Variants in STMND1 observed in about 807,000 individuals in gnomAD.
The protein encoded by STMND1 is stathmin domain containing 1.
In STMND1, 17 loss-of-function variants were observed where a neutral mutation model predicts 23.0. The ratio of observed to expected loss-of-function variants is 0.74; its 90% CI spans 0.51 to 1.11. The LOEUF (loss-of-function observed/expected upper bound fraction) is 1.11. Ranked by LOEUF, STMND1 falls within the 50% of genes least tolerant of loss-of-function variation. The pLI is 0.00. For synonymous variants in STMND1, 114 were observed against 119.9 expected (o/e 0.95, Z 0.32); for missense variants, 305 against 329.1 (o/e 0.93, Z 0.57).
chr6:17,107,682 A>G (rs1467828665), intron 1 of STMND1, among the ~76,000 whole-genome samples: 5 of 151,754 alleles, frequency 3.3e-5, no homozygotes, highest in Admixed American at 2.0e-4. Context: ...TGCAGCCTCA[A>G]CCTCCCCTGG....
intron 2 of STMND1, among the ~76,000 whole-genome samples, chr6:17,116,818 A>G (rs959388715): frequency 3.3e-5 from 5 of 152,148 alleles, no homozygotes; most frequent in African/African-American, 1.2e-4. Flanking sequence ...TTTATTTTGT[A>G]TAATTTCAGA....
intron 3 of STMND1, chr6:17,128,749 G>T: frequency 6.4e-6 from 1 of 157,038 alleles, no homozygotes. Context: ...GTCTCGCTCT[G>T]TTGCCAAGGC....
chr6:17,108,917 G>T (rs560840355), intron 1 of STMND1, among the ~76,000 whole-genome samples: 1 of 151,968 alleles, frequency 6.6e-6, no homozygotes, highest in Non-Finnish European at 1.5e-5. Context: ...GGCTAGTCTC[G>T]AATTCCTGAC....
At chr6:17,106,114 T>A (rs1761021553) in intron 1 of STMND1, among the ~76,000 whole-genome samples, 1 of 151,986 alleles carries the variant, frequency 6.6e-6, no homozygotes, top group Non-Finnish European at 1.5e-5. Flanking sequence ...GTTTCCTCTC[T>A]TTCCAGACTT....
chr6:17,122,299 C>A (rs1761245259), intron 3 of STMND1, among the ~76,000 whole-genome samples: 2 of 149,728 alleles, frequency 1.3e-5, no homozygotes, highest in Non-Finnish European at 3.0e-5. Context: ...ACCAGTAGTC[C>A]TTGAAGTACA....
At chr6:17,107,319 T>G (rs9370961) in intron 1 of STMND1, among the ~76,000 whole-genome samples, 147,937 of 152,236 alleles carry the variant, frequency 0.97, 71,892 homozygotes, top group Middle Eastern at 1. Context: ...CCTGTCCGTA[T>G]TTAAAAGCAA....
intron 3 of STMND1, among the ~76,000 whole-genome samples, chr6:17,126,125 C>T (rs1761302228): frequency 1.6e-5 from 2 of 124,728 alleles, no homozygotes; most frequent in Non-Finnish European, 3.2e-5. Context: ...ACTACATTGC[C>T]CAGGCTGGTC....
intron 2 of STMND1, among the ~76,000 whole-genome samples, chr6:17,119,826 A>G (rs2113486858): frequency 6.6e-6 from 1 of 152,332 alleles, no homozygotes; most frequent in African/African-American, 2.4e-5. Flanking sequence ...AGGACTTCCC[A>G]TTGCGCTGTT....
chr6:17,114,306 A>C (rs6908058), intron 1 of STMND1, among the ~76,000 whole-genome samples: 46,762 of 148,194 alleles, frequency 0.32, 7,405 homozygotes, highest in Middle Eastern at 0.35. Flanking sequence ...CCCTTGTGGC[A>C]CAAGCTGAAG....
chr6:17,107,704 C>T (rs1048354214), intron 1 of STMND1, among the ~76,000 whole-genome samples: 1 of 152,194 alleles, frequency 6.6e-6, no homozygotes, highest in Non-Finnish European at 1.5e-5. Flanking sequence ...TCAAGAGATC[C>T]TTTCACCTCA....
chr6:17,113,106 G>C (rs886181271), intron 1 of STMND1, among the ~76,000 whole-genome samples: 3 of 152,178 alleles, frequency 2.0e-5, no homozygotes, highest in African/African-American at 4.8e-5. Flanking sequence ...TCTGGGCAAT[G>C]ATATACTAAA....
chr6:17,107,687 C>T (rs1761044103), intron 1 of STMND1, among the ~76,000 whole-genome samples: 1 of 152,154 alleles, frequency 6.6e-6, no homozygotes, highest in Non-Finnish European at 1.5e-5. Context: ...CCTCAACCTC[C>T]CCTGGCTCAA....
chr6:17,120,533 C>A, intron 2 of STMND1, 74 bp from the exon 3 acceptor site: 1 of 1,192,388 alleles, frequency 8.4e-7, no homozygotes, highest in South Asian at 1.8e-5. Flanking sequence ...TAGAAGGCAT[C>A]CGTTTAGCAT....
At chr6:17,102,666 C>A (rs1760959196) in intron 1 of STMND1, among the ~76,000 whole-genome samples, 1 of 152,138 alleles carries the variant, frequency 6.6e-6, no homozygotes, top group Non-Finnish European at 1.5e-5. Flanking sequence ...CAAGGAATAA[C>A]CGGATGAGCA....
chr6:17,110,947 A>G (rs889757637), intron 1 of STMND1: 2 of 453,478 alleles, frequency 4.4e-6, no homozygotes, highest in Non-Finnish European at 8.9e-6. Context: ...GAAACTTGCA[A>G]TGAAAGAGGG....
At chr6:17,115,372 TAAAAAAAAAAAAAAAA>T (rs75171969) in intron 2 of STMND1, among the ~76,000 whole-genome samples, 1 of 116,102 alleles carries the variant, frequency 8.6e-6, no homozygotes, top group African/African-American at 3.3e-5. Flanking sequence ...GGACCATCTT[TAAAAAAAAAAAAAAAA>T]AAAAAAGAAC....
intron 1 of STMND1, among the ~76,000 whole-genome samples, chr6:17,107,049 G>C (rs571665717): frequency 6.6e-6 from 1 of 152,226 alleles, no homozygotes; most frequent in East Asian, 1.9e-4. Context: ...GAAAATTCTA[G>C]TTGATTGTCA....
At chr6:17,124,835 C>CAA (rs751914126) in intron 3 of STMND1, among the ~76,000 whole-genome samples, 2 of 131,630 alleles carry the variant, frequency 1.5e-5, no homozygotes, top group African/African-American at 5.6e-5. Flanking sequence ...CCATCTCTAC[C>CAA]AAAAAAAAAA....
At position 17,129,797 on chromosome 6, in the gene STMND1, T is replaced by C. The variant is rs377580265; in HGVS notation, c.543+554T>C. Among the ~76,000 whole-genome samples, 3 of 151,886 alleles carry C rather than the reference T, an allele frequency of 2.0e-5. No homozygotes were observed. The East Asian group carries it at 5.9e-4, about 30-fold the overall frequency. On this transcript the variant is annotated intron_variant, in intron 4 of 4. Transcript: ENST00000536551. ...AGGCAGAGCTTGCCGTGAGCCGAGA[T>C]TGTGCCACTGCACCCCAGCCTGGGT...
Sources: gnomAD v4.1 joint callset for allele counts (sites outside exome capture counted in the v4.1 genomes callset) on GRCh38, gnomAD v4.1.1 for gene constraint, MANE v1.5 for transcripts, NCBI Gene and HGNC (gene_info 2026-07-23, HGNC 2026-07-21) for gene names.